NWD1: variants seen among roughly 807,000 people sequenced by gnomAD.
NWD1 encodes the protein NACHT domain- and WD repeat-containing protein 1.
A neutral mutation model predicts 135.1 loss-of-function variants in NWD1; 129 were observed. The observed-to-expected ratio is 0.96, with a 90% CI of 0.83 to 1.11. The LOEUF is 1.11. Among genes scored for constraint, NWD1 ranks in the 50% least tolerant of loss-of-function variants. NWD1 has a pLI of 0.00. For synonymous variants in NWD1, 773 were observed against 786.0 expected, an observed-to-expected ratio of 0.98 and a Z score of 0.28; for missense variants, 1,740 against 1,851.3, an observed-to-expected ratio of 0.94 and a Z score of 1.10.
intron 17 of NWD1, among the ~76,000 whole-genome samples, chr19:16,802,584 G>A (rs985746195): frequency 6.6e-6 from 1 of 151,974 alleles, no homozygotes; most frequent in Admixed American, 6.6e-5. Flanking sequence ...GCAGCCTGGG[G>A]CCCTCACCAG....
intron 4 of NWD1, among the ~76,000 whole-genome samples, chr19:16,737,155 G>A (rs1040833055): frequency 1.2e-4 from 19 of 152,006 alleles, no homozygotes; most frequent in African/African-American, 1.7e-4. Flanking sequence ...GTTTCAGGTC[G>A]TGGGGACTTC....
At chr19:16,752,214 G>GTTTTTTTTTTTT (rs1568353482) in intron 6 of NWD1, among the ~76,000 whole-genome samples, 1 of 146,942 alleles carries the variant, frequency 6.8e-6, no homozygotes, top group Admixed American at 6.6e-5. Flanking sequence ...TCAGTTTTAG[G>GTTTTTTTTTTTT]GTTGTTTTTT....
chr19:16,781,917 C>T (rs1969866212), intron 12 of NWD1, among the ~76,000 whole-genome samples: 1 of 151,110 alleles, frequency 6.6e-6, no homozygotes, highest in Non-Finnish European at 1.5e-5. Flanking sequence ...ACGGTGAAAC[C>T]CTGTCTCTAC....
In NWD1 at chr19:16,813,670, TTTCACCATGTTGGCCAGGC is replaced by T. The variant is rs148604193; in HGVS notation, c.4288-1356_4288-1338del. On this transcript the variant is annotated intron_variant, in intron 18 of 18. Coordinates refer to ENST00000524140, the MANE Select transcript of NWD1 (RefSeq NM_001007525.5). ...TTTTGTATTTTGAGTAGAGGTAGGG[TTTCACCATGTTGGCCAGGC>T]TGGTCTTGAACTCCTGACCTTGGGT... Among the ~76,000 whole-genome samples the T allele has an allele frequency of 4.4e-3, 674 of 152,048 alleles. 2 individuals are homozygous for T. The highest frequency in any genetic ancestry group is 0.015 in the African/African-American group (610 of 41,486).
chr19:16,793,471 C>T (rs1031729039), intron 14 of NWD1, among the ~76,000 whole-genome samples: 1 of 151,884 alleles, frequency 6.6e-6, no homozygotes, highest in Non-Finnish European at 1.5e-5. Flanking sequence ...AACTTATGGG[C>T]TCATTCAGCC....
chr19:16,808,005 A>G lies in NWD1; in HGVS notation c.4156A>G (p.Thr1386Ala), dbSNP rs1599564512. 1 of 1,613,928 alleles carries G rather than the reference A, an allele frequency of 6.2e-7. No homozygotes were observed. Among genetic ancestry groups the G allele is most frequent in the Non-Finnish European group, 8.5e-7 (1 of 1,179,984 alleles). Reference sequence around the variant, plus strand: ...AACTTCCAAAGCGTTTCCCTTGGAGACCCACAGGAGCCGAGTTGCCTGTGT... The same window carrying G: ...AACTTCCAAAGCGTTTCCCTTGGAGGCCCACAGGAGCCGAGTTGCCTGTGT... ...CATSKAFPLETHRSRVACVEV... is the reference protein window; with the variant it reads ...CATSKAFPLEAHRSRVACVEV... The change falls in exon 18 of 19, where the codon ACC becomes GCC. Residue 1386 changes from threonine (T) to alanine (A), a missense_variant. By Grantham distance (58) the Thr-to-Ala change is moderately conservative (BLOSUM62 0). Coordinates refer to ENST00000524140, the MANE Select transcript of NWD1 (RefSeq NM_001007525.5).
At chr19:16,738,777 T>TAAC (rs1203580767) in intron 4 of NWD1, among the ~76,000 whole-genome samples, 1 of 66,364 alleles carries the variant, frequency 1.5e-5, no homozygotes. Flanking sequence ...TGATATATAA[T>TAAC]ATATAATATA....
At chr19:16,769,070 G>A (rs1011416296) in intron 10 of NWD1, among the ~76,000 whole-genome samples, 1 of 152,190 alleles carries the variant, frequency 6.6e-6, no homozygotes, top group Admixed American at 6.6e-5. Flanking sequence ...GGTGGCTCAA[G>A]CCTGTTATCT....
intron 10 of NWD1, among the ~76,000 whole-genome samples, chr19:16,770,082 G>A (rs1256042574): frequency 1.3e-5 from 2 of 152,078 alleles, no homozygotes; most frequent in African/African-American, 4.8e-5. Flanking sequence ...AGCTCCATAA[G>A]GCCAATGGCA....
At position 16,761,863 on chromosome 19, in the gene NWD1, T is replaced by C. The variant is rs1969026050; in HGVS notation, c.1974-116T>C. On this transcript the variant is annotated intron_variant, in intron 7 of 18. Coordinates refer to ENST00000524140, the MANE Select transcript of NWD1 (RefSeq NM_001007525.5). ...GTGATGTATCAAATAGCACAGGTGG[T>C]CAACAGAGTGGTTTAGGATGGCTTG... The C allele has an allele frequency of 4.1e-6, 3 of 738,370 alleles. No homozygotes were observed. In the South Asian group the frequency reaches 5.8e-5, roughly 14 times the overall value. 45.7% of individuals were successfully genotyped at this position (738,370 alleles called of 1,614,324 possible).
rs1967077125 is a variant in NWD1 at position 16,719,853 on chromosome 19, TG to T, written c.-542del. 6.6e-6 allele frequency: 1 copy of T among 152,136 alleles called. No individual in the cohort carries two copies. Among genetic ancestry groups the T allele is most frequent in the Non-Finnish European group, 1.5e-5 (1 of 68,026 alleles). 9.4% of individuals were successfully genotyped at this position (152,136 alleles called of 1,614,324 possible). On this transcript the variant is annotated 5_prime_UTR_variant, in exon 1 of 19. Transcript: ENST00000524140. ...CAATCGCTTTCATTATCCCAGTTGCTGGGAGAATTGGGCAAGGAGAGACCCA... is the reference window on the plus strand; with the variant it reads ...CAATCGCTTTCATTATCCCAGTTGCTGGAGAATTGGGCAAGGAGAGACCCA...
At chr19:16,761,622 C>T (rs2122882793) in intron 7 of NWD1, among the ~76,000 whole-genome samples, 1 of 152,232 alleles carries the variant, frequency 6.6e-6, no homozygotes, top group Non-Finnish European at 1.5e-5. Context: ...CTCAGCCTCC[C>T]AAAGTGCTGG....
At chr19:16,735,963 CAAA>C (rs534777742) in intron 3 of NWD1, among the ~76,000 whole-genome samples, 2 of 120,640 alleles carry the variant, frequency 1.7e-5, no homozygotes, top group Non-Finnish European at 1.7e-5. Flanking sequence ...GACTCCAACT[CAAA>C]AAAAAAAAAA....
At chr19:16,803,079 C>T (rs566008788) in intron 17 of NWD1, among the ~76,000 whole-genome samples, 2 of 152,186 alleles carry the variant, frequency 1.3e-5, no homozygotes, top group South Asian at 2.1e-4. Flanking sequence ...AGCAAAGTCA[C>T]GTCTTACATG....
chr19:16,741,119 T>C (rs1968060568), intron 4 of NWD1, among the ~76,000 whole-genome samples: 1 of 152,020 alleles, frequency 6.6e-6, no homozygotes, highest in Non-Finnish European at 1.5e-5. Flanking sequence ...AAGATTGCAC[T>C]ATTACACTCC....
Position 16,789,136 on chromosome 19 carries a change from G to A in NWD1, c.2886G>A (p.Trp962Ter). ...AAAATCCCGCTGAACCTCAGATCTG[G>A]AACCTTCATGTGGATGAGGCACACA... The part of the protein sequence containing the change: ...GSKNPAEPQI[W>*]NLHVDEAHKV... Residue 962 changes from tryptophan to a stop codon, truncating the protein, a stop_gained, in exon 13 of 19, where the codon TGG (tryptophan) becomes TGA (stop). Coordinates refer to ENST00000524140, the MANE Select transcript of NWD1 (RefSeq NM_001007525.5). LOFTEE classifies it high-confidence loss of function. 6.2e-7 allele frequency: 1 copy of A among 1,614,070 alleles called. No homozygotes were observed. The highest frequency in any genetic ancestry group is 8.5e-7 in the Non-Finnish European group (1 of 1,179,988).
At chr19:16,729,577 T>TAA (rs537329853) in intron 2 of NWD1, among the ~76,000 whole-genome samples, 19 of 125,070 alleles carry the variant, frequency 1.5e-4, no homozygotes, top group African/African-American at 3.2e-4. Context: ...TTACAAAAAG[T>TAA]AAAAAAAAAA....
At chr19:16,799,852 A>G (rs1308373060) in intron 16 of NWD1, 34 bp from the exon 17 acceptor site, 1 of 1,551,612 alleles carries the variant, frequency 6.4e-7, no homozygotes, top group Non-Finnish European at 8.7e-7. Flanking sequence ...TCCACAGAAG[A>G]TGTCAGATCT....
intron 11 of NWD1, among the ~76,000 whole-genome samples, chr19:16,778,596 C>T (rs1969745244): frequency 6.6e-6 from 1 of 151,642 alleles, no homozygotes; most frequent in African/African-American, 2.4e-5. Context: ...GCAACCTCCA[C>T]CTCCTGGGCT....
Sources: gnomAD v4.1 joint callset for allele counts (sites outside exome capture counted in the v4.1 genomes callset) on GRCh38, gnomAD v4.1.1 for gene constraint, MANE v1.5 for transcripts, NCBI Gene and HGNC (gene_info 2026-07-23, HGNC 2026-07-21) for gene names.